SEMA5A: variants seen among roughly 807,000 people sequenced by gnomAD.
The protein encoded by SEMA5A is semaphorin 5A.
A neutral mutation model predicts 135.5 loss-of-function variants in SEMA5A; 55 were observed. The observed-to-expected ratio is 0.41, with a 90% CI of 0.33 to 0.51. The LOEUF (loss-of-function observed/expected upper bound fraction) is 0.51. SEMA5A is among the 20% of genes least tolerant of loss of function. The probability of loss-of-function intolerance (pLI) is 0.37; values close to 1 mark genes in which losing one functional copy is unlikely to be tolerated. For synonymous variants in SEMA5A, 580 were observed against 546.5 expected (o/e 1.06, Z -0.85); for missense variants, 1,290 against 1,419.9 (o/e 0.91, Z 1.47).
chr5:9,056,839 G>A (rs1736920907), intron 18 of SEMA5A, among the ~76,000 whole-genome samples: 1 of 152,194 alleles, frequency 6.6e-6, no homozygotes, highest in Admixed American at 6.5e-5. Flanking sequence ...GTTCACTGCA[G>A]CATTTCTCAC....
At chr5:9,353,265 C>G (rs111338026) in intron 3 of SEMA5A, among the ~76,000 whole-genome samples, 1,104 of 50,996 alleles carry the variant, frequency 0.022, 51 homozygotes, top group African/African-American at 0.07. Context: ...GGAAGGGAAG[C>G]AAAGGAAAGG....
intron 16 of SEMA5A, among the ~76,000 whole-genome samples, chr5:9,098,370 A>C (rs1350033713): frequency 2.0e-5 from 3 of 152,230 alleles, no homozygotes; most frequent in Admixed American, 2.0e-4. Flanking sequence ...GGTGAGCTAC[A>C]GAAATTGACC....
At chr5:9,431,410 G>T (rs1414409617) in intron 2 of SEMA5A, among the ~76,000 whole-genome samples, 1 of 152,126 alleles carries the variant, frequency 6.6e-6, no homozygotes, top group Non-Finnish European at 1.5e-5. Context: ...CCCAACCTTT[G>T]CTTTTTCTGC....
chr5:9,183,106 TG>T (rs937089573), intron 11 of SEMA5A, among the ~76,000 whole-genome samples: 2 of 152,126 alleles, frequency 1.3e-5, no homozygotes, highest in African/African-American at 4.8e-5. Flanking sequence ...AATGCATTAC[TG>T]GGGGTGCAAT....
intron 11 of SEMA5A, among the ~76,000 whole-genome samples, chr5:9,183,018 G>C (rs1181454158): frequency 1.3e-5 from 2 of 152,116 alleles, no homozygotes; most frequent in Non-Finnish European, 2.9e-5. Flanking sequence ...CTACAGGGTT[G>C]AATGAACTCC....
chr5:9,092,811 GAC>G (rs1447407563), intron 16 of SEMA5A, among the ~76,000 whole-genome samples: 1 of 152,090 alleles, frequency 6.6e-6, no homozygotes, highest in Non-Finnish European at 1.5e-5. Flanking sequence ...GAAAGGTGGT[GAC>G]ACTCTTTTCC....
At chr5:9,297,403 T>A (rs1011287218) in intron 5 of SEMA5A, among the ~76,000 whole-genome samples, 1 of 152,112 alleles carries the variant, frequency 6.6e-6, no homozygotes, top group Non-Finnish European at 1.5e-5. Flanking sequence ...CACCTTCTGA[T>A]TGAGATTAGT....
intron 1 of SEMA5A, among the ~76,000 whole-genome samples, chr5:9,469,270 G>A (rs1759386480): frequency 6.6e-6 from 1 of 152,094 alleles, no homozygotes; most frequent in African/African-American, 2.4e-5. Context: ...GCCTCCCAAA[G>A]TGCTGGGATT....
chr5:9,278,491 C>A (rs982987718), intron 5 of SEMA5A, among the ~76,000 whole-genome samples: 2 of 152,198 alleles, frequency 1.3e-5, no homozygotes, highest in Non-Finnish European at 2.9e-5. Flanking sequence ...ATCAAGCCTG[C>A]TGCAGAAATG....
chr5:9,336,804 G>A (rs1753411229), intron 4 of SEMA5A, among the ~76,000 whole-genome samples: 1 of 152,126 alleles, frequency 6.6e-6, no homozygotes, highest in South Asian at 2.1e-4. Context: ...TGTTTATAGA[G>A]AGACTGCAAA....
intron 3 of SEMA5A, among the ~76,000 whole-genome samples, chr5:9,349,867 A>G (rs112230528): frequency 0.01 from 1,543 of 152,154 alleles, 26 homozygotes; most frequent in African/African-American, 0.035. Flanking sequence ...GCGCCACTGC[A>G]CTCCAGCCCG....
intron 13 of SEMA5A, among the ~76,000 whole-genome samples, chr5:9,126,556 C>CAA (rs112437159): frequency 0.18 from 24,888 of 136,320 alleles, 2,383 homozygotes; most frequent in East Asian, 0.31. Flanking sequence ...GGAATGACAG[C>CAA]AAAAAAAAAA....
intron 10 of SEMA5A, among the ~76,000 whole-genome samples, chr5:9,193,548 A>C (rs1745225700): frequency 6.6e-6 from 1 of 152,212 alleles, no homozygotes; most frequent in African/African-American, 2.4e-5. Context: ...AACCTCCTGC[A>C]GGAGTGCCCA....
chr5:9,144,869 G>T (rs1215379097), intron 12 of SEMA5A, among the ~76,000 whole-genome samples: 1 of 152,154 alleles, frequency 6.6e-6, no homozygotes, highest in South Asian at 2.1e-4. Flanking sequence ...TGAATGAAAG[G>T]AGAAGAATCC....
chr5:9,088,314 A>AG (rs1352781757), intron 16 of SEMA5A, among the ~76,000 whole-genome samples: 7 of 150,846 alleles, frequency 4.6e-5, no homozygotes, highest in African/African-American at 7.3e-5. Context: ...AAAAAAAAAA[A>AG]AAAAGAAAAG....
chr5:9,115,043 G>C (rs1333763375), intron 15 of SEMA5A, among the ~76,000 whole-genome samples: 1 of 152,198 alleles, frequency 6.6e-6, no homozygotes, highest in East Asian at 1.9e-4. Flanking sequence ...GCACCCCAAG[G>C]TAGAGAAGAG....
chr5:9,320,031 A>T (rs1330697405), intron 4 of SEMA5A, among the ~76,000 whole-genome samples: 1 of 152,078 alleles, frequency 6.6e-6, no homozygotes, highest in African/African-American at 2.4e-5. Context: ...ATGAAAGAGG[A>T]CTAGGCTCAC....
intron 18 of SEMA5A, among the ~76,000 whole-genome samples, chr5:9,061,684 G>T (rs540243572): frequency 1.3e-5 from 2 of 152,222 alleles, no homozygotes; most frequent in African/African-American, 4.8e-5. Context: ...CAAAAGCCCT[G>T]GGCGGGGGCT....
Position 9,156,765 on chromosome 5 carries a change from A to C in SEMA5A, c.1274-2070T>G, listed in dbSNP as rs1806141. ...GAACTATAGCCTATCTGAGAATTTA[A>C]CAAAGACTCATTGCTGTTTATTATT... On this transcript the variant is annotated intron_variant, in intron 11 of 22. Coordinates refer to ENST00000382496, the MANE Select transcript of SEMA5A (RefSeq NM_003966.3). Among the ~76,000 whole-genome samples, 1,356 of 152,344 alleles carry C rather than the reference A, an allele frequency of 8.9e-3. 9 individuals carry two copies. Among genetic ancestry groups the C allele is most frequent in the South Asian group, 0.013 (65 of 4,822 alleles).
Sources: gnomAD v4.1 joint callset for allele counts (sites outside exome capture counted in the v4.1 genomes callset) on GRCh38, gnomAD v4.1.1 for gene constraint, MANE v1.5 for transcripts, NCBI Gene and HGNC (gene_info 2026-07-23, HGNC 2026-07-21) for gene names.